The following CLPB variants were observed in gnomAD, a reference collection of about 807,000 sequenced individuals.
The protein encoded by CLPB is ClpB family mitochondrial disaggregase.
A neutral mutation model predicts 78.4 loss-of-function variants in CLPB; 40 were observed. The ratio of observed to expected loss-of-function variants is 0.51; its 90% CI spans 0.40 to 0.66. The LOEUF is 0.66. Ranked by LOEUF, CLPB falls within the 30% of genes least tolerant of loss-of-function variation. The pLI is 0.00. For synonymous variants in CLPB, 333 were observed against 348.0 expected, an observed-to-expected ratio of 0.96 and a Z score of 0.48; for missense variants, 780 against 886.9, an observed-to-expected ratio of 0.88 and a Z score of 1.53.
At chr11:72,422,050 G>A (rs1190728967) in intron 2 of CLPB, among the ~76,000 whole-genome samples, 2 of 150,904 alleles carry the variant, frequency 1.3e-5, no homozygotes, top group Admixed American at 6.6e-5. Flanking sequence ...GGCGGATCAC[G>A]AGGTCAGGAG....
At chr11:72,366,329 G>A (rs770107102) in intron 4 of CLPB, among the ~76,000 whole-genome samples, 10 of 152,058 alleles carry the variant, frequency 6.6e-5, no homozygotes, top group Admixed American at 2.0e-4. Flanking sequence ...ATTCCTCTGT[G>A]TCAGCCTCCC....
At chr11:72,430,897 T>G (rs574803798) in intron 1 of CLPB, among the ~76,000 whole-genome samples, 5 of 152,266 alleles carry the variant, frequency 3.3e-5, no homozygotes, top group Non-Finnish European at 5.9e-5. Context: ...TCCATTCCAC[T>G]CCCACTACTC....
chr11:72,361,560 C>T (rs529829985), intron 4 of CLPB, among the ~76,000 whole-genome samples: 1 of 152,086 alleles, frequency 6.6e-6, no homozygotes, highest in Non-Finnish European at 1.5e-5. Flanking sequence ...ACTGGCCAGG[C>T]AGGCAGGGAA....
intron 13 of CLPB, 82 bp from the exon 14 acceptor site, chr11:72,294,526 G>C: frequency 6.2e-7 from 1 of 1,609,860 alleles, no homozygotes; most frequent in Admixed American, 1.7e-5. Flanking sequence ...GGGAAGACTG[G>C]GGAAATTATG....
chr11:72,406,885 T>C lies in CLPB; in HGVS notation c.456-3833A>G, dbSNP rs186401880. Among the ~76,000 whole-genome samples, 136 of 152,304 alleles carry C rather than the reference T, an allele frequency of 8.9e-4. 2 individuals are homozygous for C. The highest frequency in any genetic ancestry group is 3.4e-3 in the Middle Eastern group (1 of 294). ...TCCTTCCTTCTTTTATAAATACATA[T>C]ACATGGGTGTGTGTAGGTACGTGTG... is the stretch of plus-strand genomic sequence containing the variant. On this transcript the variant is annotated intron_variant, in intron 2 of 15. Transcript: ENST00000538039.
At chr11:72,402,346 C>CT (rs1855587561) in intron 3 of CLPB, among the ~76,000 whole-genome samples, 1 of 152,218 alleles carries the variant, frequency 6.6e-6, no homozygotes, top group African/African-American at 2.4e-5. Flanking sequence ...AAATAAATCA[C>CT]TTTATCTCTT....
rs764064291 is a variant in CLPB, at chr11:72,294,596, G to C, written c.1560+24C>G. 6 of 1,611,646 alleles carry C rather than the reference G, an allele frequency of 3.7e-6. No homozygotes were observed. In the African/African-American group the frequency reaches 5.3e-5, roughly 14 times the overall value. ...CTCCCCCAACCTTAGGCTCCAGCAG[G>C]AAGTGCCAAGAAAGACCTCTTACTT... On this transcript the variant is annotated intron_variant, in intron 13 of 15. Transcript: ENST00000538039.
Position 72,354,279 on chromosome 11 carries a change from A to G in CLPB, c.775+4601T>C, listed in dbSNP as rs201316281. On this transcript the variant is annotated intron_variant, in intron 5 of 15. Coordinates refer to ENST00000538039, the MANE Select transcript of CLPB (RefSeq NM_001258392.3). Reference sequence around the variant, plus strand: ...TGCTTCCAAAGATGTGTGTGTGTGTATATATATATATATATATATAGCTAG... The same window carrying G: ...TGCTTCCAAAGATGTGTGTGTGTGTGTATATATATATATATATATAGCTAG... 4.0e-3 allele frequency: 480 copies of G among 119,788 alleles called. 2 individuals are homozygous for G. In the East Asian group the frequency reaches 0.072, roughly 18 times the overall value. 7.4% of individuals were successfully genotyped at this position (119,788 alleles called of 1,614,324 possible). A position where few individuals can be genotyped will look rare whatever the true frequency, so the allele number is the denominator to read the frequency against.
chr11:72,346,085 G>A (rs1055964486), intron 5 of CLPB, among the ~76,000 whole-genome samples: 15 of 152,176 alleles, frequency 9.9e-5, no homozygotes, highest in African/African-American at 3.6e-4. Flanking sequence ...ACTAGAATGT[G>A]GGGCAGATGA....
chr11:72,322,968 C>T (rs904354364), intron 6 of CLPB, among the ~76,000 whole-genome samples: 13 of 152,038 alleles, frequency 8.6e-5, no homozygotes, highest in African/African-American at 3.1e-4. Flanking sequence ...CTACTGGCAG[C>T]GAGTATAGAG....
intron 6 of CLPB, among the ~76,000 whole-genome samples, chr11:72,320,505 A>T (rs971669746): frequency 3.9e-5 from 6 of 152,130 alleles, no homozygotes; most frequent in Non-Finnish European, 1.5e-5. Flanking sequence ...ATTTCAGTAC[A>T]TTCTGATTCT....
rs1565413587 is a variant in CLPB at position 72,286,221 on chromosome 11, C to CTTTTTTTTTTTTTTTTTTT, written c.*7145_*7146insAAAAAAAAAAAAAAAAAAA. 2 of 59,136 alleles carry CTTTTTTTTTTTTTTTTTTT rather than the reference C, an allele frequency of 3.4e-5. No homozygotes were observed. The highest frequency in any genetic ancestry group is 6.2e-4 in the South Asian group (1 of 1,622). 3.7% of individuals were successfully genotyped at this position (59,136 alleles called of 1,614,324 possible). On this transcript the variant is annotated 3_prime_UTR_variant, in exon 16 of 16. Transcript: ENST00000538039. ...AGATTACAGGTGTGAGATACTGCACCTGTTTTTTTTTTTTTTTTTTTTTTT... is the reference window on the plus strand; with the variant it reads ...AGATTACAGGTGTGAGATACTGCACCTTTTTTTTTTTTTTTTTTTTGTTTTTTTTTTTTTTTTTTTTTTT...
chr11:72,344,448 G>T (rs1950476209), intron 5 of CLPB, among the ~76,000 whole-genome samples: 1 of 151,946 alleles, frequency 6.6e-6, no homozygotes, highest in Admixed American at 6.6e-5. Flanking sequence ...CCGGGCTCAA[G>T]CCATTTGTCC....
chr11:72,329,338 A>C (rs987288868), intron 6 of CLPB, among the ~76,000 whole-genome samples: 4 of 152,188 alleles, frequency 2.6e-5, no homozygotes, highest in Admixed American at 1.3e-4. Flanking sequence ...GCCTAGGAAA[A>C]ATATGACCAA....
intron 7 of CLPB, among the ~76,000 whole-genome samples, chr11:72,309,746 G>T (rs1340886215): frequency 2.0e-5 from 3 of 152,210 alleles, no homozygotes; most frequent in African/African-American, 7.2e-5. Flanking sequence ...TCAGGAGCAG[G>T]AAAGAGAGTA....
At chr11:72,328,310 G>A (rs1950164415) in intron 6 of CLPB, among the ~76,000 whole-genome samples, 1 of 152,146 alleles carries the variant, frequency 6.6e-6, no homozygotes, top group Admixed American at 6.5e-5. Flanking sequence ...TGCAACATAA[G>A]GCAAAAATAA....
At chr11:72,371,412 C>T (rs1422867592) in intron 4 of CLPB, among the ~76,000 whole-genome samples, 1 of 151,700 alleles carries the variant, frequency 6.6e-6, no homozygotes, top group African/African-American at 2.4e-5. Flanking sequence ...GCCTGTAATC[C>T]CAACTACTCA....
At chr11:72,363,557 T>C (rs996706544) in intron 4 of CLPB, 2 of 152,216 alleles carry the variant, frequency 1.3e-5, no homozygotes, top group African/African-American at 4.8e-5. Context: ...TAACCCCTTA[T>C]GTTTGTATCA....
chr11:72,389,580 C>T (rs1448652802), intron 3 of CLPB, among the ~76,000 whole-genome samples: 1 of 152,142 alleles, frequency 6.6e-6, no homozygotes, highest in Non-Finnish European at 1.5e-5. Context: ...GGACACATCT[C>T]CACTCAAAGG....
Sources: gnomAD v4.1 joint callset for allele counts (sites outside exome capture counted in the v4.1 genomes callset) on GRCh38, gnomAD v4.1.1 for gene constraint, MANE v1.5 for transcripts, NCBI Gene and HGNC (gene_info 2026-07-23, HGNC 2026-07-21) for gene names.